The following CELF4 variants were observed in gnomAD, a reference collection of about 807,000 sequenced individuals.
CELF4 encodes CUG-BP- and ETR-3-like factor 4.
Under a neutral mutation model 59.9 loss-of-function variants are expected in CELF4, and 18 were observed. The ratio of observed to expected loss-of-function variants is 0.30; its 90% CI spans 0.21 to 0.45. The LOEUF (loss-of-function observed/expected upper bound fraction) is 0.45. Ranked by LOEUF, CELF4 falls within the 20% of genes least tolerant of loss-of-function variation. The pLI, the probability that CELF4 is intolerant of heterozygous loss-of-function variation, is 1.00. For missense variants in CELF4, 456 were observed against 689.0 expected (o/e 0.66, Z 3.79); for synonymous variants, 261 against 267.1 (o/e 0.98, Z 0.22).
At position 37,535,480 on chromosome 18, in the gene CELF4, T is replaced by G. The variant is rs976421882; in HGVS notation, c.286+29876A>C. ...TCCCCACACAACTCTGAGATCTATA[T>G]GGCAAAATTCAGGAGCCACCTTTAT... On this transcript the variant is annotated intron_variant, in intron 1 of 12. Coordinates refer to ENST00000420428, the MANE Select transcript of CELF4 (RefSeq NM_020180.4). 2.6e-5 allele frequency among the ~76,000 whole-genome samples: 4 copies of G among 152,278 alleles called. No homozygotes were observed. In the South Asian group the frequency reaches 8.3e-4, roughly 32 times the overall value.
chr18:37,558,587 C>T (rs1248909907), intron 1 of CELF4, among the ~76,000 whole-genome samples: 1 of 151,434 alleles, frequency 6.6e-6, no homozygotes, highest in Non-Finnish European at 1.5e-5. Context: ...TGTTCTACTC[C>T]CCTAGGCTGT....
chr18:37,312,110 C>CA (rs59872500), intron 3 of CELF4, among the ~76,000 whole-genome samples: 1,106 of 50,160 alleles, frequency 0.022, 30 homozygotes, highest in African/African-American at 0.057. Flanking sequence ...GATTCCGTCT[C>CA]AAAAAAAAAA....
chr18:37,498,565 A>C (rs2099927833), intron 1 of CELF4, among the ~76,000 whole-genome samples: 1 of 148,354 alleles, frequency 6.7e-6, no homozygotes, highest in South Asian at 2.1e-4. Flanking sequence ...GTTTTGTCTC[A>C]TGACTAGCAC....
At chr18:37,406,790 A>G (rs971523541) in intron 2 of CELF4, among the ~76,000 whole-genome samples, 4 of 152,020 alleles carry the variant, frequency 2.6e-5, no homozygotes, top group Non-Finnish European at 5.9e-5. Flanking sequence ...AGGGAATAGA[A>G]GTTGGGTAGG....
chr18:37,321,796 C>A lies in CELF4; in HGVS notation c.448+7G>T, dbSNP rs2097132036. 2 of 1,603,228 alleles carry A rather than the reference C, an allele frequency of 1.2e-6. No homozygotes were observed. The highest frequency in any genetic ancestry group is 1.7e-6 in the Non-Finnish European group (2 of 1,172,488). On this transcript the variant is annotated splice_region_variant and intron_variant, in intron 3 of 12. Coordinates refer to ENST00000420428, the MANE Select transcript of CELF4 (RefSeq NM_020180.4). Reference sequence around the variant, plus strand: ...AGGGGGAGGGGCAGAGACAAGTGGGCCCTCACGTGAAGGGGGCTGGCGCAG... The same window carrying A: ...AGGGGGAGGGGCAGAGACAAGTGGGACCTCACGTGAAGGGGGCTGGCGCAG...
At chr18:37,327,658 G>T (rs773963757) in intron 2 of CELF4, among the ~76,000 whole-genome samples, 2 of 152,154 alleles carry the variant, frequency 1.3e-5, no homozygotes, top group Admixed American at 6.5e-5. Flanking sequence ...AAAAAGCCAG[G>T]GGGGAGCGGG....
At chr18:37,274,159 AC>A (rs879051238) in intron 6 of CELF4, 151 bp downstream of exon 6, 11 of 1,464,732 alleles carry the variant, frequency 7.5e-6, no homozygotes, top group Middle Eastern at 2.6e-4. Flanking sequence ...CTGAAGTTAA[AC>A]CCCCCAGGTT....
At chr18:37,374,040 T>C (rs1415557120) in intron 2 of CELF4, among the ~76,000 whole-genome samples, 1 of 152,196 alleles carries the variant, frequency 6.6e-6, no homozygotes, top group East Asian at 1.9e-4. Flanking sequence ...AGAGATGCAC[T>C]GGAGTGGGCA....
At chr18:37,472,932 A>C (rs1371059899) in intron 2 of CELF4, among the ~76,000 whole-genome samples, 3 of 152,068 alleles carry the variant, frequency 2.0e-5, no homozygotes, top group Non-Finnish European at 2.9e-5. Flanking sequence ...AAATCATGGG[A>C]TCTTAACTCG....
At chr18:37,312,053 G>C (rs2096676240) in intron 3 of CELF4, among the ~76,000 whole-genome samples, 3 of 142,740 alleles carry the variant, frequency 2.1e-5, no homozygotes, top group African/African-American at 7.9e-5. Flanking sequence ...GGAACTTGCA[G>C]TGAGCCCATA....
chr18:37,392,018 G>A lies in CELF4; in HGVS notation c.370-70137C>T, dbSNP rs2099167727. Among the ~76,000 whole-genome samples the A allele has an allele frequency of 3.3e-5, 5 of 152,232 alleles. No homozygotes were observed. In the South Asian group the frequency reaches 1.0e-3, roughly 32 times the overall value. On this transcript the variant is annotated intron_variant, in intron 2 of 12. Coordinates refer to ENST00000420428, the MANE Select transcript of CELF4 (RefSeq NM_020180.4). ...GAGAACCAGAGGGGTAAACCATAAT[G>A]CCTGCAACTGGGTCACCAGAACCGA...
intron 2 of CELF4, among the ~76,000 whole-genome samples, chr18:37,363,537 C>T (rs775220590): frequency 1.3e-5 from 2 of 152,136 alleles, no homozygotes; most frequent in African/African-American, 2.4e-5. Context: ...AGGTGGCAGA[C>T]GTTACCAGAG....
At chr18:37,296,525 A>C (rs1171736529) in intron 3 of CELF4, among the ~76,000 whole-genome samples, 2 of 152,164 alleles carry the variant, frequency 1.3e-5, no homozygotes, top group East Asian at 3.9e-4. Context: ...GGGTGACCAT[A>C]TAATTTATTG....
At chr18:37,291,090 G>A (rs1453475960) in intron 3 of CELF4, among the ~76,000 whole-genome samples, 1 of 152,126 alleles carries the variant, frequency 6.6e-6, no homozygotes, top group Admixed American at 6.5e-5. Flanking sequence ...TGTATTTTTA[G>A]TAGAGATGGG....
At chr18:37,321,219 C>T (rs547066126) in intron 3 of CELF4, among the ~76,000 whole-genome samples, 1 of 152,300 alleles carries the variant, frequency 6.6e-6, no homozygotes, top group South Asian at 2.1e-4. Flanking sequence ...CTTACTCAGG[C>T]TCTCCACGGC....
At chr18:37,325,295 G>T (rs374365984) in intron 2 of CELF4, among the ~76,000 whole-genome samples, 51 of 152,322 alleles carry the variant, frequency 3.3e-4, no homozygotes, top group Admixed American at 9.1e-4. Context: ...CTCCTTTCCT[G>T]GCACCTTGTT....
At chr18:37,359,250 G>C (rs985634239) in intron 2 of CELF4, among the ~76,000 whole-genome samples, 1 of 152,356 alleles carries the variant, frequency 6.6e-6, no homozygotes, top group East Asian at 1.9e-4. Flanking sequence ...GGATCTCAGA[G>C]GTGCCAAAGA....
chr18:37,492,599 G>A (rs557411849), intron 1 of CELF4, among the ~76,000 whole-genome samples: 2 of 152,152 alleles, frequency 1.3e-5, no homozygotes, highest in South Asian at 2.1e-4. Flanking sequence ...CTGCTGCCAC[G>A]TGAGAGAGAG....
At chr18:37,523,137 G>A (rs567073217) in intron 1 of CELF4, among the ~76,000 whole-genome samples, 13 of 152,204 alleles carry the variant, frequency 8.5e-5, no homozygotes, top group African/African-American at 3.1e-4. Flanking sequence ...CACCCGGCTG[G>A]GCACACATTC....
Sources: allele counts gnomAD v4.1 joint callset (sites outside exome capture counted in the v4.1 genomes callset), GRCh38; gene constraint gnomAD v4.1.1; transcripts MANE v1.5; gene names NCBI Gene and HGNC (gene_info 2026-07-23, HGNC 2026-07-21).